PNLIPRP3: variants seen among roughly 807,000 people sequenced by gnomAD.
PNLIPRP3 encodes pancreatic lipase related protein 3.
In PNLIPRP3, 58 loss-of-function variants were observed where a neutral mutation model predicts 52.8. That is an observed-to-expected ratio of 1.10 (90% CI 0.89 to 1.37). PNLIPRP3 has a LOEUF of 1.37. PNLIPRP3 is among the 40% of genes most tolerant of loss of function. The pLI, the probability that PNLIPRP3 is intolerant of heterozygous loss-of-function variation, is 0.00. For synonymous variants in PNLIPRP3, 192 were observed against 185.0 expected, an observed-to-expected ratio of 1.04 and a Z score of -0.31; for missense variants, 593 against 561.6, an observed-to-expected ratio of 1.06 and a Z score of -0.57.
intron 1 of PNLIPRP3, among the ~76,000 whole-genome samples, chr10:116,429,749 C>A (rs1180324235): frequency 6.6e-6 from 1 of 152,182 alleles, no homozygotes; most frequent in Admixed American, 6.5e-5. Flanking sequence ...TTGCCCTGAT[C>A]TGCTGAGATG....
At chr10:116,459,035 G>A (rs1227506122) in intron 5 of PNLIPRP3, among the ~76,000 whole-genome samples, 1 of 152,038 alleles carries the variant, frequency 6.6e-6, no homozygotes, top group Non-Finnish European at 1.5e-5. Context: ...TGACCCCTCT[G>A]CAGAATTTGT....
intron 4 of PNLIPRP3, among the ~76,000 whole-genome samples, chr10:116,447,641 TATA>T (rs1845971951): frequency 1.3e-5 from 2 of 152,002 alleles, no homozygotes; most frequent in Admixed American, 6.6e-5. Context: ...AGCAAAAGAA[TATA>T]ATAATTGAAG....
intron 7 of PNLIPRP3, among the ~76,000 whole-genome samples, chr10:116,462,462 G>T (rs1251186305): frequency 1.3e-5 from 2 of 151,942 alleles, no homozygotes; most frequent in South Asian, 4.1e-4. Flanking sequence ...AAGATACAGA[G>T]ATCATAGTAT....
In PNLIPRP3 at chr10:116,469,196, C is replaced by G. The variant is rs771354334; in HGVS notation, c.939C>G (p.Phe313Leu). ...SYTSFKAGNC[F>L]FCSKEGCPTM... is the part of the protein sequence containing the mutation. ...TTTTCTGTCATCAGGGAAATTGCTT[C>G]TTTTGTTCCAAAGAAGGTTGCCCAA... Residue 313 changes from phenylalanine to leucine, a missense_variant, in exon 9 of 12, where the codon TTC becomes TTG. Phe to Leu is a conservative substitution (Grantham distance 22). Coordinates refer to ENST00000369230, the MANE Select transcript of PNLIPRP3 (RefSeq NM_001011709.3). The G allele has an allele frequency of 2.5e-6, 4 of 1,610,640 alleles. No individual in the cohort carries two copies. Among genetic ancestry groups the G allele is most frequent in the East Asian group, 2.2e-5 (1 of 44,726 alleles).
chr10:116,441,408 T>A (rs1342008613), intron 2 of PNLIPRP3, among the ~76,000 whole-genome samples: 1 of 152,218 alleles, frequency 6.6e-6, no homozygotes, highest in Non-Finnish European at 1.5e-5. Flanking sequence ...TTTTTCGGAC[T>A]AAATTCCCTC....
At chr10:116,436,164 C>G (rs1035972971) in intron 1 of PNLIPRP3, among the ~76,000 whole-genome samples, 2 of 151,772 alleles carry the variant, frequency 1.3e-5, no homozygotes, top group African/African-American at 2.4e-5. Context: ...AAAATTGAAC[C>G]CTTACGCCAT....
chr10:116,455,656 TAAAGCATA>T, intron 4 of PNLIPRP3, 58 bp from the exon 5 acceptor site: 1 of 1,181,244 alleles, frequency 8.5e-7, no homozygotes, highest in Non-Finnish European at 1.2e-6. Flanking sequence ...TTTCTATTTT[TAAAGCATA>T]TTTAAGCTAT....
rs766407965 is a variant in PNLIPRP3, at chr10:116,469,263, AAGACT to A, written c.1008_1012del (p.Thr337TrpfsTer24). 4 of 1,611,772 alleles carry A rather than the reference AAGACT, an allele frequency of 2.5e-6. No individual in the cohort carries two copies. Among genetic ancestry groups the A allele is most frequent in the Non-Finnish European group, 3.4e-6 (4 of 1,179,062 alleles). Reference sequence around the variant, plus strand: ...TGATAGATTTCACTTCAAAAATATGAAGACTAATGGATCACATTATTTTTTAAACA... The same window carrying A: ...TGATAGATTTCACTTCAAAAATATGAAATGGATCACATTATTTTTTAAACA... On this transcript the variant is annotated frameshift_variant, in exon 9 of 12. Coordinates refer to ENST00000369230, the MANE Select transcript of PNLIPRP3 (RefSeq NM_001011709.3). LOFTEE classifies it high-confidence loss of function.
In PNLIPRP3 at chr10:116,436,762, G is replaced by A. The variant is rs1434007221; in HGVS notation, c.101G>A (p.Trp34Ter). 3 of 1,613,520 alleles carry A rather than the reference G, an allele frequency of 1.9e-6. No homozygotes were observed. The highest frequency in any genetic ancestry group is 2.5e-6 in the Non-Finnish European group (3 of 1,179,722). Residue 34 changes from tryptophan to a stop codon, truncating the protein, a stop_gained, in exon 2 of 12, where the codon TGG becomes TAG. Transcript: ENST00000369230. LOFTEE classifies it high-confidence loss of function. ...RLGCFKDGLP[W>*]TRTFSTELVG... ...GGGTGTTTCAAAGATGGTTTACCAT[G>A]GACCAGGACTTTCTCAACAGAGTTG...
Position 116,436,813 on chromosome 10 carries a change from AG to A in PNLIPRP3, c.153del (p.Ile52Ter), listed in dbSNP as rs1322472085. The A allele has an allele frequency of 6.2e-7, 1 of 1,613,818 alleles. No homozygotes were observed. The highest frequency in any genetic ancestry group is 8.5e-7 in the Non-Finnish European group (1 of 1,179,812). ...ELVGLPWSPE[K>X]INTRFLLYTI... Reference sequence around the variant, plus strand: ...GTAGGTTTACCCTGGTCTCCAGAGAAGATAAACACTCGTTTCCTGCTCTACA... The same window carrying A: ...GTAGGTTTACCCTGGTCTCCAGAGAAATAAACACTCGTTTCCTGCTCTACA... On this transcript the variant is annotated frameshift_variant, in exon 2 of 12. Coordinates refer to ENST00000369230, the MANE Select transcript of PNLIPRP3 (RefSeq NM_001011709.3). LOFTEE classifies it high-confidence loss of function.
intron 4 of PNLIPRP3, 40 bp from the exon 5 acceptor site, chr10:116,455,682 C>A: frequency 7.0e-7 from 1 of 1,437,048 alleles, no homozygotes; most frequent in Non-Finnish European, 9.8e-7. Context: ...TATTCCACCG[C>A]TGTTTTTAAA....
intron 4 of PNLIPRP3, among the ~76,000 whole-genome samples, chr10:116,452,957 G>A (rs1043493407): frequency 6.6e-6 from 1 of 152,220 alleles, no homozygotes; most frequent in Non-Finnish European, 1.5e-5. Context: ...TGTGGGAAGG[G>A]GCTCCTGCCC....
intron 3 of PNLIPRP3, among the ~76,000 whole-genome samples, chr10:116,443,513 T>C (rs1253951174): frequency 6.6e-6 from 1 of 151,202 alleles, no homozygotes; most frequent in Non-Finnish European, 1.5e-5. Flanking sequence ...TTAAGATTAA[T>C]AGACTGCTAA....
chr10:116,452,080 GT>G (rs1846048677), intron 4 of PNLIPRP3, among the ~76,000 whole-genome samples: 1 of 152,168 alleles, frequency 6.6e-6, no homozygotes, highest in Non-Finnish European at 1.5e-5. Context: ...AAATGACAAA[GT>G]TATTGGGAAC....
At chr10:116,431,919 C>T (rs969680638) in intron 1 of PNLIPRP3, among the ~76,000 whole-genome samples, 6 of 152,076 alleles carry the variant, frequency 3.9e-5, no homozygotes, top group African/African-American at 1.2e-4. Context: ...GCTCCTCTCC[C>T]CCCCAGGTCT....
intron 4 of PNLIPRP3, among the ~76,000 whole-genome samples, 155 bp from the exon 5 acceptor site, chr10:116,455,567 G>A (rs1430110818): frequency 6.6e-6 from 1 of 152,090 alleles, no homozygotes; most frequent in East Asian, 1.9e-4. Flanking sequence ...GGATAAGGAT[G>A]TAGGCAGAGG....
chr10:116,444,738 A>G (rs1255086576), intron 4 of PNLIPRP3, among the ~76,000 whole-genome samples: 1 of 152,244 alleles, frequency 6.6e-6, no homozygotes, highest in Admixed American at 6.5e-5. Flanking sequence ...ACACAGGCTC[A>G]TCACTAAAAA....
intron 10 of PNLIPRP3, among the ~76,000 whole-genome samples, chr10:116,474,563 T>C (rs1846428177): frequency 6.6e-6 from 1 of 152,186 alleles, no homozygotes; most frequent in African/African-American, 2.4e-5. Context: ...GATAAACGTC[T>C]AATATCCCAC....
intron 10 of PNLIPRP3, among the ~76,000 whole-genome samples, chr10:116,475,592 C>T (rs1846450623): frequency 6.6e-6 from 1 of 152,140 alleles, no homozygotes; most frequent in African/African-American, 2.4e-5. Context: ...TCAATTAATT[C>T]TACTAGTAAT....
Sources: gnomAD v4.1 joint callset for allele counts (sites outside exome capture counted in the v4.1 genomes callset) on GRCh38, gnomAD v4.1.1 for gene constraint, MANE v1.5 for transcripts, NCBI Gene and HGNC (gene_info 2026-07-23, HGNC 2026-07-21) for gene names.